LTBP1: variants seen among roughly 807,000 people sequenced by gnomAD.
LTBP1 encodes latent transforming growth factor beta binding protein 1.
A neutral mutation model predicts 207.6 loss-of-function variants in LTBP1; 129 were observed. The observed-to-expected ratio is 0.62, with a 90% CI of 0.54 to 0.72. LTBP1 has a LOEUF of 0.72. Ranked by LOEUF, LTBP1 falls within the 30% of genes least tolerant of loss-of-function variation. The pLI is 0.00. For synonymous variants in LTBP1, 963 were observed against 833.7 expected (o/e 1.16, Z -2.67); for missense variants, 2,281 against 2,217.2 (o/e 1.03, Z -0.58).
At chr2:33,121,527 TTTAACC>T (rs2081119818) in intron 4 of LTBP1, among the ~76,000 whole-genome samples, 1 of 152,088 alleles carries the variant, frequency 6.6e-6, no homozygotes, top group Non-Finnish European at 1.5e-5. Flanking sequence ...GGGCTCCTTG[TTTAACC>T]AACACCCCTT....
rs146536195 is a variant in LTBP1, at chr2:33,254,440, A to G, written c.2167+1596A>G. Among the ~76,000 whole-genome samples the G allele has an allele frequency of 7.0e-3, 1,059 of 152,114 alleles. 9 individuals carry two copies. Among genetic ancestry groups the G allele is most frequent in the Middle Eastern group, 0.01 (3 of 292 alleles). ...GAACTCAGGGATACTCCTCTCTAGT[A>G]CTATCAATAAATTTGAAAATAATAT... On this transcript the variant is annotated intron_variant, in intron 11 of 33. Transcript: ENST00000404816.
Position 33,087,000 on chromosome 2 carries a change from TA to T in LTBP1, c.864-23581del, listed in dbSNP as rs1281410939. 4.4e-4 allele frequency among the ~76,000 whole-genome samples: 67 copies of T among 152,022 alleles called. 1 individual carries two copies. The highest frequency in any genetic ancestry group is 1.5e-3 in the African/African-American group (61 of 41,470). ...AGTGTGGGCACTTGATCACAGAGATTATTCTTAGAGTCTTCTTTGGTGTCCA... is the reference window on the plus strand; with the variant it reads ...AGTGTGGGCACTTGATCACAGAGATTTTCTTAGAGTCTTCTTTGGTGTCCA... On this transcript the variant is annotated intron_variant, in intron 3 of 33. Coordinates refer to ENST00000404816, the MANE Select transcript of LTBP1 (RefSeq NM_206943.4).
At chr2:33,080,799 T>G (rs1337841443) in intron 3 of LTBP1, among the ~76,000 whole-genome samples, 1 of 152,214 alleles carries the variant, frequency 6.6e-6, no homozygotes, top group Admixed American at 6.5e-5. Context: ...TCATGTACTT[T>G]CAATACACAC....
rs71447907 is a variant in LTBP1 at position 33,359,988 on chromosome 2, T to G, written c.4001-609T>G. ...AGTTGAGCTGGGACTAGAACCCAGA[T>G]TTGAAATTCTACCCTGAGGCTTAGC... is the stretch of plus-strand genomic sequence containing the variant. On this transcript the variant is annotated intron_variant, in intron 26 of 33. Transcript: ENST00000404816. 7.8e-3 allele frequency among the ~76,000 whole-genome samples: 1,189 copies of G among 152,344 alleles called. 5 individuals are homozygous for G. Among genetic ancestry groups the G allele is most frequent in the Non-Finnish European group, 0.013 (895 of 68,030 alleles).
chr2:33,283,164 CAT>C lies in LTBP1; in HGVS notation c.3112+3008_3112+3009del, dbSNP rs200886806. On this transcript the variant is annotated intron_variant, in intron 19 of 33. Coordinates refer to ENST00000404816, the MANE Select transcript of LTBP1 (RefSeq NM_206943.4). Reference sequence around the variant, plus strand: ...CTTACGTCGTGCTTACAAATAAACACATAAGCAAGTACAATATATAGGATGTC... The same window carrying C: ...CTTACGTCGTGCTTACAAATAAACACAAGCAAGTACAATATATAGGATGTC... Among the ~76,000 whole-genome samples, 3 of 149,894 alleles carry C rather than the reference CAT, an allele frequency of 2.0e-5. No homozygotes were observed. In the East Asian group the frequency reaches 5.9e-4, roughly 29 times the overall value.
intron 5 of LTBP1, among the ~76,000 whole-genome samples, chr2:33,135,764 A>G (rs2082094520): frequency 6.6e-6 from 1 of 152,254 alleles, no homozygotes; most frequent in Admixed American, 6.5e-5. Flanking sequence ...GTTGTCATGC[A>G]ATACAGTATT....
intron 24 of LTBP1, among the ~76,000 whole-genome samples, chr2:33,324,699 C>CTTTTTTTTTTTT (rs35517435): frequency 8.1e-6 from 1 of 123,376 alleles, no homozygotes. Flanking sequence ...TGTATTCTAT[C>CTTTTTTTTTTTT]TTTTTTTTTT....
At chr2:33,390,126 C>G (rs1357555034) in intron 32 of LTBP1, among the ~76,000 whole-genome samples, 3 of 152,022 alleles carry the variant, frequency 2.0e-5, no homozygotes, top group African/African-American at 4.8e-5. Flanking sequence ...AGAAGAATTG[C>G]CCTTTTGGTC....
At chr2:33,249,728 A>G (rs1478664411) in intron 10 of LTBP1, among the ~76,000 whole-genome samples, 1 of 152,162 alleles carries the variant, frequency 6.6e-6, no homozygotes, top group East Asian at 1.9e-4. Context: ...CTTTTAGATA[A>G]AGTATCAGAA....
chr2:33,363,823 C>T (rs1388916328), intron 29 of LTBP1, among the ~76,000 whole-genome samples: 3 of 152,126 alleles, frequency 2.0e-5, no homozygotes, highest in African/African-American at 4.8e-5. Context: ...TCACTCATAC[C>T]GTGCAAGTGA....
At chr2:33,325,659 A>G (rs1339912068) in intron 24 of LTBP1, among the ~76,000 whole-genome samples, 1 of 152,262 alleles carries the variant, frequency 6.6e-6, no homozygotes, top group Admixed American at 6.5e-5. Flanking sequence ...AACAAAATGT[A>G]TATTTCACAT....
chr2:33,197,194 T>C (rs1040315305), intron 7 of LTBP1, among the ~76,000 whole-genome samples: 3 of 152,182 alleles, frequency 2.0e-5, no homozygotes, highest in Admixed American at 2.0e-4. Context: ...AGAACAGAAA[T>C]TGATCTCATA....
chr2:33,132,290 A>G (rs1428726467), intron 4 of LTBP1, among the ~76,000 whole-genome samples: 6 of 152,164 alleles, frequency 3.9e-5, no homozygotes, highest in Admixed American at 3.9e-4. Context: ...AACTAGGTGA[A>G]TTTTCTCTGC....
At chr2:33,089,295 A>G (rs1193853857) in intron 3 of LTBP1, among the ~76,000 whole-genome samples, 1 of 152,234 alleles carries the variant, frequency 6.6e-6, no homozygotes, top group African/African-American at 2.4e-5. Flanking sequence ...TCCCTGGCAC[A>G]TAAAAGCAGC....
chr2:33,104,349 T>G (rs1006213908), intron 3 of LTBP1, among the ~76,000 whole-genome samples: 60 of 152,338 alleles, frequency 3.9e-4, no homozygotes, highest in African/African-American at 1.4e-3. Flanking sequence ...GTTCTTTCTT[T>G]TCTGTGTGTC....
At chr2:33,156,958 C>T (rs1015556593) in intron 5 of LTBP1, among the ~76,000 whole-genome samples, 8 of 152,030 alleles carry the variant, frequency 5.3e-5, no homozygotes, top group East Asian at 1.9e-4. Context: ...TTTATTATTT[C>T]GGGTTTTCAT....
At chr2:33,391,848 C>T (rs905947765) in intron 32 of LTBP1, among the ~76,000 whole-genome samples, 1 of 152,140 alleles carries the variant, frequency 6.6e-6, no homozygotes, top group African/African-American at 2.4e-5. Flanking sequence ...ATGTTGGTGT[C>T]ACATCAATCT....
chr2:33,123,490 C>T (rs2081266115), intron 4 of LTBP1, among the ~76,000 whole-genome samples: 2 of 151,942 alleles, frequency 1.3e-5, no homozygotes, highest in East Asian at 3.9e-4. Context: ...GGAAATCTAG[C>T]AAAATTAGAT....
chr2:33,100,690 TTC>T (rs142817944), intron 3 of LTBP1, among the ~76,000 whole-genome samples: 4 of 151,792 alleles, frequency 2.6e-5, no homozygotes, highest in Non-Finnish European at 4.4e-5. Flanking sequence ...TAAACAGTAA[TTC>T]TCTCTCTCTC....
Sources: allele counts gnomAD v4.1 joint callset (sites outside exome capture counted in the v4.1 genomes callset), GRCh38; gene constraint gnomAD v4.1.1; transcripts MANE v1.5; gene names NCBI Gene and HGNC (gene_info 2026-07-23, HGNC 2026-07-21).